Variants in EIF2AK4 observed in about 807,000 individuals in gnomAD.
EIF2AK4 encodes eukaryotic translation initiation factor 2 alpha kinase 4.
Under a neutral mutation model 211.1 loss-of-function variants are expected in EIF2AK4, and 139 were observed. The ratio of observed to expected loss-of-function variants is 0.66; its 90% CI spans 0.57 to 0.76. The LOEUF (loss-of-function observed/expected upper bound fraction) is 0.76, where lower values mean the gene tolerates loss of function less well. Among genes scored for constraint, EIF2AK4 ranks in the 30% least tolerant of loss-of-function variants. EIF2AK4 has a pLI of 0.00. For missense variants in EIF2AK4, 1,664 were observed against 2,043.8 expected (o/e 0.81, Z 3.58); for synonymous variants, 710 against 751.3 (o/e 0.94, Z 0.90).
chr15:40,030,541 A>C, intron 35 of EIF2AK4, 85 bp downstream of exon 35: 44 of 1,318,546 alleles, frequency 3.3e-5, no homozygotes, highest in Non-Finnish European at 4.2e-5. Flanking sequence ...TAAGATAAAC[A>C]TGGAATTTCT....
At chr15:40,017,508 T>TAC in intron 29 of EIF2AK4, among the ~76,000 whole-genome samples, 1 of 6,490 alleles carries the variant, frequency 1.5e-4, no homozygotes, top group Admixed American at 1.3e-3. Flanking sequence ...TTTCTATATA[T>TAC]ATATATATAT....
intron 4 of EIF2AK4, among the ~76,000 whole-genome samples, chr15:39,953,681 TC>T: frequency 6.6e-6 from 1 of 152,260 alleles, no homozygotes; most frequent in Non-Finnish European, 1.5e-5. Flanking sequence ...TAAATGCCCC[TC>T]CCCACACACG....
chr15:40,027,123 AAC>A (rs2035475466), intron 33 of EIF2AK4, among the ~76,000 whole-genome samples: 2 of 152,240 alleles, frequency 1.3e-5, no homozygotes, highest in Admixed American at 1.3e-4. Flanking sequence ...TCTATTGAAA[AAC>A]AACTGTTTTC....
chr15:39,953,758 T>C, intron 4 of EIF2AK4, 146 bp from the exon 5 acceptor site: 1 of 734,824 alleles, frequency 1.4e-6, no homozygotes. Context: ...AGAACTGCAG[T>C]TTGTACTAAG....
intron 15 of EIF2AK4, among the ~76,000 whole-genome samples, chr15:39,989,627 G>T (rs887980713): frequency 6.6e-6 from 1 of 152,094 alleles, no homozygotes; most frequent in Non-Finnish European, 1.5e-5. Flanking sequence ...TGCTTGAGAG[G>T]GACTTCTTGC....
At chr15:40,021,079 A>G in intron 31 of EIF2AK4, 52 bp downstream of exon 31, 5 of 1,594,246 alleles carry the variant, frequency 3.1e-6, no homozygotes, top group Non-Finnish European at 4.3e-6. Flanking sequence ...TATGGCTTTC[A>G]TGGCAAATAT....
At chr15:40,005,397 T>G (rs1257265361) in intron 23 of EIF2AK4, among the ~76,000 whole-genome samples, 1 of 151,720 alleles carries the variant, frequency 6.6e-6, no homozygotes, top group Non-Finnish European at 1.5e-5. Flanking sequence ...TACAGGAGGC[T>G]GAGGCAGGAG....
chr15:40,010,830 A>G lies in EIF2AK4; in HGVS notation c.3694-451A>G, dbSNP rs148159178. Among the ~76,000 whole-genome samples the G allele has an allele frequency of 3.9e-3, 588 of 152,320 alleles. 1 individual carries two copies. Among genetic ancestry groups the G allele is most frequent in the African/African-American group, 0.012 (515 of 41,554 alleles). ...CAGTGACAGATACAATATGATGTCA[A>G]TCGGACACTGGCAGAAACCCCAGGG... is the stretch of plus-strand genomic sequence containing the variant. On this transcript the variant is annotated intron_variant, in intron 26 of 38. Coordinates refer to ENST00000263791, the MANE Select transcript of EIF2AK4 (RefSeq NM_001013703.4).
Position 40,002,777 on chromosome 15 carries a change from T to A in EIF2AK4, c.3224T>A (p.Phe1075Tyr), listed in dbSNP as rs760271257. The change falls in exon 22 of 39, where the codon TTT becomes TAT. Residue 1075 changes from phenylalanine (F) to tyrosine (Y), a missense_variant. Physicochemically the swap from Phe to Tyr is conservative, Grantham distance 22. Transcript: ENST00000263791. ...QHVCETIIRI[F>Y]KRHGAVQLCT... The stretch of plus-strand genomic sequence containing the variant: ...GTGTGTGAAACCATCATCCGCATCT[T>A]TAAAAGACATGGTATGTACGCCCTT... The A allele has an allele frequency of 1.9e-6, 3 of 1,614,230 alleles. No homozygotes were observed. The highest frequency in any genetic ancestry group is 2.5e-6 in the Non-Finnish European group (3 of 1,180,028).
At chr15:39,956,611 T>C (rs1288537799) in intron 6 of EIF2AK4, among the ~76,000 whole-genome samples, 2 of 152,216 alleles carry the variant, frequency 1.3e-5, no homozygotes, top group Admixed American at 1.3e-4. Context: ...AAGATACTAC[T>C]TGTTCTTCTA....
In EIF2AK4 at chr15:39,934,211, G is replaced by A; in HGVS notation, c.16G>A (p.Gly6Arg). The A allele has an allele frequency of 1.9e-6, 3 of 1,578,852 alleles. No homozygotes were observed. Among genetic ancestry groups the A allele is most frequent in the Non-Finnish European group, 2.6e-6 (3 of 1,163,886 alleles). The part of the protein sequence containing the change: MAGGR[G>R]APGRGRDEPP... ...CAGCGCTGCCATGGCTGGGGGCCGT[G>A]GGGCCCCCGGGCGCGGCCGGGACGA... The change falls in exon 1 of 39, where the codon GGG becomes AGG. Residue 6 changes from glycine (G) to arginine (R), a missense_variant. Around this residue, in one of 7 missense-constraint regions of EIF2AK4, gnomAD observed 641 missense variants for 729.6 expected, o/e 0.88. Transcript: ENST00000263791.
intron 29 of EIF2AK4, among the ~76,000 whole-genome samples, chr15:40,017,691 A>G (rs1274929667): frequency 1.3e-5 from 2 of 150,706 alleles, no homozygotes; most frequent in East Asian, 2.0e-4. Flanking sequence ...GACTACAGGC[A>G]TGCACCACCA....
chr15:39,945,426 C>G (rs1203800540), intron 3 of EIF2AK4, among the ~76,000 whole-genome samples: 1 of 152,214 alleles, frequency 6.6e-6, no homozygotes, highest in Non-Finnish European at 1.5e-5. Flanking sequence ...AAGGCCCTAA[C>G]TCTCTTCAAT....
At chr15:40,003,457 A>G in intron 23 of EIF2AK4, 143 bp downstream of exon 23, 3 of 1,320,240 alleles carry the variant, frequency 2.3e-6, no homozygotes, top group Non-Finnish European at 3.1e-6. Context: ...TGTCAGAGTG[A>G]GAGTGTTACT....
At chr15:39,953,789 T>C in intron 4 of EIF2AK4, 115 bp from the exon 5 acceptor site, 1 of 1,024,896 alleles carries the variant, frequency 9.8e-7, no homozygotes, top group Non-Finnish European at 1.4e-6. Flanking sequence ...TTCAGATCTC[T>C]TAGGAAGAGA....
At chr15:39,943,351 CTTTT>C (rs5812147) in intron 2 of EIF2AK4, 28 bp from the exon 3 acceptor site, 9,326 of 850,030 alleles carry the variant, frequency 0.011, no homozygotes, top group East Asian at 0.018. Context: ...TGGAGTAACT[CTTTT>C]TTTTTTTTTT....
intron 12 of EIF2AK4, chr15:39,977,726 A>G (rs2034720694): frequency 6.1e-6 from 1 of 163,544 alleles, no homozygotes; most frequent in South Asian, 2.0e-4. Context: ...GCAGCCCCCA[A>G]AGGTACCAAA....
At chr15:40,027,689 G>A (rs2035482372) in intron 33 of EIF2AK4, among the ~76,000 whole-genome samples, 1 of 152,112 alleles carries the variant, frequency 6.6e-6, no homozygotes, top group Admixed American at 6.5e-5. Flanking sequence ...AGGAGATCGA[G>A]ATCATCCTGG....
In EIF2AK4 at chr15:40,001,217, T is replaced by G. The variant is rs368118810; in HGVS notation, c.3152T>G (p.Ile1051Arg). The change falls in exon 21 of 39, where the codon ATA becomes AGA. Residue 1051 changes from isoleucine to arginine, a missense_variant. Coordinates refer to ENST00000263791, the MANE Select transcript of EIF2AK4 (RefSeq NM_001013703.4). ...PAIDYTYDSD[I>R]LKGNFSIRTA... is the part of the protein sequence containing the mutation. ...ATCGATTACACCTATGACAGCGACA[T>G]ACTGAAGGTGGGCTTAAGCCACGCT... 3 of 1,612,968 alleles carry G rather than the reference T, an allele frequency of 1.9e-6. No homozygotes were observed. The highest frequency in any genetic ancestry group is 2.5e-6 in the Non-Finnish European group (3 of 1,179,896).
Sources: gnomAD v4.1 joint callset for allele counts (sites outside exome capture counted in the v4.1 genomes callset) on GRCh38, gnomAD v4.1.1 for gene constraint, gnomAD v4.1.1 regional missense constraint, MANE v1.5 for transcripts, NCBI Gene and HGNC (gene_info 2026-07-23, HGNC 2026-07-21) for gene names.